The following ZNF8 variants were observed in gnomAD, a reference collection of about 807,000 sequenced individuals.
ZNF8 encodes the protein zinc finger protein 8.
A neutral mutation model predicts 12.2 loss-of-function variants in ZNF8; 9 were observed. That is an observed-to-expected ratio of 0.73 (90% CI 0.44 to 1.28). The LOEUF is 1.28. Among genes scored for constraint, ZNF8 ranks in the 50% most tolerant of loss-of-function variants. The pLI, the probability that ZNF8 is intolerant of heterozygous loss-of-function variation, is 0.00. For missense variants in ZNF8, 664 were observed against 729.1 expected, an observed-to-expected ratio of 0.91 and a Z score of 1.03; for synonymous variants, 274 against 282.3, an observed-to-expected ratio of 0.97 and a Z score of 0.30.
chr19:58,286,686 G>A (rs2051385372), intron 3 of ZNF8: 3 of 153,094 alleles, frequency 2.0e-5, no homozygotes, highest in South Asian at 4.1e-4. Flanking sequence ...CATCAGTTAG[G>A]GTTGTGGGAA....
In ZNF8 at chr19:58,295,430, T is replaced by C; in HGVS notation, c.1622T>C (p.Phe541Ser). 1 of 1,613,970 alleles carries C rather than the reference T, an allele frequency of 6.2e-7. No homozygotes were observed. The highest frequency in any genetic ancestry group is 1.6e-4 in the Middle Eastern group (1 of 6,062). Reference protein sequence around the residue: ...GQPESRALALFDIQKIMQEKN... With the variant: ...GQPESRALALSDIQKIMQEKN... ...CCGGAAAGCAGAGCCCTGGCTTTGT[T>C]TGACATCCAAAAAATCATGCAAGAG... is the stretch of plus-strand genomic sequence containing the variant. Residue 541 changes from phenylalanine to serine, a missense_variant, in exon 4 of 4, where the codon TTT (phenylalanine) becomes TCT (serine). Transcript: ENST00000621650.
rs190131418 is a variant in ZNF8, at chr19:58,279,854, C to T, written c.66+707C>T. The T allele has an allele frequency of 4.6e-6, 6 of 1,304,428 alleles. No homozygotes were observed. The East Asian group carries it at 2.8e-4, about 60-fold the overall frequency. The allele number at this position is 1,304,428 out of a possible 1,614,324, so 80.8% of individuals were successfully genotyped here. The stretch of plus-strand genomic sequence containing the variant: ...GGAAACAACAATAATTATCCTTCCT[C>T]AAGCTCTGCAACTTTGAAATTATAC... On this transcript the variant is annotated intron_variant, in intron 1 of 3. Coordinates refer to ENST00000621650, the MANE Select transcript of ZNF8 (RefSeq NM_021089.3).
Position 58,294,050 on chromosome 19 carries a change from T to TC in ZNF8, c.290-46dup. 1 of 1,532,046 alleles carries TC rather than the reference T, an allele frequency of 6.5e-7. No homozygotes were observed. The highest frequency in any genetic ancestry group is 8.8e-7 in the Non-Finnish European group (1 of 1,133,050). 94.9% of individuals were successfully genotyped at this position (1,532,046 alleles called of 1,614,324 possible). ...TATGGTGTTGGAGGCCTGTCCCCCT[T>TC]CCGTTTTTTTCTCCCAACAGCTCAG... On this transcript the variant is annotated intron_variant, in intron 3 of 3. Coordinates refer to ENST00000621650, the MANE Select transcript of ZNF8 (RefSeq NM_021089.3). This position sits in a 1 kb window ranked among gnomAD's most constrained non-coding sequence, Gnocchi z 5.5.
At position 58,285,767 on chromosome 19, in the gene ZNF8, G is replaced by A; in HGVS notation, c.117G>A (p.Trp39Ter). The change falls in exon 2 of 4, where the codon TGG becomes TGA. Residue 39 changes from tryptophan to a stop codon, truncating the protein, a stop_gained. Coordinates refer to ENST00000621650, the MANE Select transcript of ZNF8 (RefSeq NM_021089.3). LOFTEE classifies it high-confidence loss of function. ...CTGTGGACTTTACCCAGGAGGAATG[G>A]GGGCAGCTGGACCCTACCCAGAGGA... ...DVAVDFTQEE[W>*]GQLDPTQRIL... 1 of 1,614,176 alleles carries A rather than the reference G, an allele frequency of 6.2e-7. No individual in the cohort carries two copies. The highest frequency in any genetic ancestry group is 2.2e-5 in the East Asian group (1 of 44,878).
chr19:58,279,880 T>A, intron 1 of ZNF8: 1 of 1,046,158 alleles, frequency 9.6e-7, no homozygotes, highest in Non-Finnish European at 1.2e-6. Context: ...GAAATTATAC[T>A]TTTTTTTATT....
Position 58,294,474 on chromosome 19 carries a change from C to T in ZNF8, c.666C>T (p.Gly222=). The T allele has an allele frequency of 6.2e-7, 1 of 1,614,146 alleles. No individual in the cohort carries two copies. Among genetic ancestry groups the T allele is most frequent in the South Asian group, 1.1e-5 (1 of 91,080 alleles). The change falls in exon 4 of 4, where the codon GGC becomes GGT. Residue 222 remains glycine, a synonymous_variant. Coordinates refer to ENST00000621650, the MANE Select transcript of ZNF8 (RefSeq NM_021089.3). This position sits in a 1 kb window ranked among gnomAD's most constrained non-coding sequence, Gnocchi z 5.5. ...CCAGCTTAGTCAGTCAGCAGACAGG[C>T]TCCCCAGGAAAACAGCCCGGTGAAA... ...HNSSLVSQQT[G]SPGKQPGENS...
At chr19:58,285,057 C>T (rs2051374521) in intron 1 of ZNF8, among the ~76,000 whole-genome samples, 2 of 152,088 alleles carry the variant, frequency 1.3e-5, no homozygotes, top group African/African-American at 4.8e-5. Context: ...AACTGGCCCA[C>T]TTCTGTCATG....
Position 58,301,662 on chromosome 19 carries a change from G to C in ZNF8, c.*6126G>C, listed in dbSNP as rs73570607. ...GGCCAGTCCTGAAGGGGTCACAGTT[G>C]ATACTTCTCTGAGGGGGCATGGGGT... On this transcript the variant is annotated 3_prime_UTR_variant, in exon 4 of 4. Transcript: ENST00000621650. The C allele has an allele frequency of 0.063, 9,601 of 152,484 alleles. 964 individuals are homozygous for C. Among genetic ancestry groups the C allele is most frequent in the African/African-American group, 0.21 (8,897 of 41,510 alleles). 9.4% of individuals were successfully genotyped at this position (152,484 alleles called of 1,614,324 possible).
chr19:58,286,389 C>T (rs1284603912), intron 3 of ZNF8, 184 bp downstream of exon 3: 24 of 527,968 alleles, frequency 4.5e-5, no homozygotes, highest in Non-Finnish European at 7.1e-5. Flanking sequence ...AGGGGAAAGG[C>T]GCGTGGGGAT....
At chr19:58,279,353 GA>G (rs2051328293) in intron 1 of ZNF8, 1 of 1,464,200 alleles carries the variant, frequency 6.8e-7, no homozygotes, top group Non-Finnish European at 9.0e-7. Context: ...CCTGGCCCCC[GA>G]ATGCGCATGC....
rs750570090 is a variant in ZNF8 at position 58,295,313 on chromosome 19, G to A, written c.1505G>A (p.Arg502His). The change falls in exon 4 of 4, where the codon CGT becomes CAT. Residue 502 changes from arginine (R) to histidine (H), a missense_variant. Around this residue, in one of 3 missense-constraint regions of ZNF8, gnomAD observed 225 missense variants for 222.0 expected, o/e 1.01. Coordinates refer to ENST00000621650, the MANE Select transcript of ZNF8 (RefSeq NM_021089.3). The stretch of plus-strand genomic sequence containing the variant: ...CAGCCCCATGGGCGAAGCCGGCGGC[G>A]TGAACAATCCTCGAGCAGGAACTCA... ...EEQPHGRSRR[R>H]EQSSSRNSHL... is the part of the protein sequence containing the mutation. The A allele has an allele frequency of 2.6e-5, 42 of 1,614,090 alleles. No individual in the cohort carries two copies. Among genetic ancestry groups the A allele is most frequent in the South Asian group, 1.2e-4 (11 of 91,088 alleles).
chr19:58,281,649 C>G (rs1342541531), intron 1 of ZNF8, among the ~76,000 whole-genome samples: 1 of 152,122 alleles, frequency 6.6e-6, no homozygotes, highest in East Asian at 1.9e-4. Context: ...GGTGGGCATT[C>G]TGAGTGGAGG....
At position 58,296,243 on chromosome 19, in the gene ZNF8, A is replaced by G. The variant is rs951417842; in HGVS notation, c.*707A>G. 4 of 152,170 alleles carry G rather than the reference A, an allele frequency of 2.6e-5. No homozygotes were observed. Among genetic ancestry groups the G allele is most frequent in the African/African-American group, 7.2e-5 (3 of 41,420 alleles). The allele number at this position is 152,170 out of a possible 1,614,324, so 9.4% of individuals were successfully genotyped here. A position where few individuals can be genotyped will look rare whatever the true frequency, so the allele number is the denominator to read the frequency against. Reference sequence around the variant, plus strand: ...ACTGGGGGCAGTTCTGTTCCTCACCATCTTGGCAGCATGCATGGCTCCTGC... The same window carrying G: ...ACTGGGGGCAGTTCTGTTCCTCACCGTCTTGGCAGCATGCATGGCTCCTGC... On this transcript the variant is annotated 3_prime_UTR_variant, in exon 4 of 4. Coordinates refer to ENST00000621650, the MANE Select transcript of ZNF8 (RefSeq NM_021089.3).
chr19:58,287,337 C>CTTTT (rs35511685), intron 3 of ZNF8, among the ~76,000 whole-genome samples: 2,390 of 117,714 alleles, frequency 0.02, 133 homozygotes, highest in African/African-American at 0.024. Flanking sequence ...CCATGCCCAG[C>CTTTT]TTTTTTTTTT....
chr19:58,281,528 G>C lies in ZNF8; in HGVS notation c.66+2381G>C, dbSNP rs576192061. Among the ~76,000 whole-genome samples the C allele has an allele frequency of 2.0e-5, 3 of 152,284 alleles. No individual in the cohort carries two copies. The East Asian group carries it at 5.8e-4, about 29-fold the overall frequency. On this transcript the variant is annotated intron_variant, in intron 1 of 3. Coordinates refer to ENST00000621650, the MANE Select transcript of ZNF8 (RefSeq NM_021089.3). The stretch of plus-strand genomic sequence containing the variant: ...TGCCACTGAGAATTCTCATGGCTTG[G>C]ACAGACCAGTACTCAGTGGACGTGG...
At position 58,294,415 on chromosome 19, in the gene ZNF8, T is replaced by TA. The variant is rs763923404; in HGVS notation, c.608dup (p.Tyr203Ter). The change falls in exon 4 of 4, where the codon TAC becomes TAAC. Residue 203 changes from tyrosine to a stop codon, truncating the protein, a stop_gained and frameshift_variant. Transcript: ENST00000621650. LOFTEE classifies it low-confidence loss of function (END_TRUNC). The surrounding 1 kb of genome is among the most constrained non-coding windows in gnomAD (Gnocchi z 5.5). Reference protein sequence around the residue: ...EISRGEYLYTYDSQITDSEHN... With the variant: ...EISRGEYLYT The stretch of plus-strand genomic sequence containing the variant: ...CTCTAGAGGGGAGTATTTGTATACT[T>TA]ACGACTCACAGATTACAGACTCAGA... 1.2e-6 allele frequency: 2 copies of TA among 1,614,100 alleles called. No individual in the cohort carries two copies. Among genetic ancestry groups the TA allele is most frequent in the South Asian group, 1.1e-5 (1 of 91,078 alleles).
rs564170481 is a variant in ZNF8 at position 58,289,834 on chromosome 19, G to T, written c.289+3629G>T. Reference sequence around the variant, plus strand: ...TTTTTTTGAGACAGAGTCTCGCTCTGTCACAAGGCTGGAGTGCAGTGGTGT... The same window carrying T: ...TTTTTTTGAGACAGAGTCTCGCTCTTTCACAAGGCTGGAGTGCAGTGGTGT... On this transcript the variant is annotated intron_variant, in intron 3 of 3. Coordinates refer to ENST00000621650, the MANE Select transcript of ZNF8 (RefSeq NM_021089.3). Among the ~76,000 whole-genome samples the T allele has an allele frequency of 1.5e-3, 223 of 149,274 alleles. No individual in the cohort carries two copies. In the Middle Eastern group the frequency reaches 0.021, roughly 14 times the overall value.
At chr19:58,279,812 A>G in intron 1 of ZNF8, 1 of 1,430,918 alleles carries the variant, frequency 7.0e-7, no homozygotes, top group Non-Finnish European at 9.3e-7. Flanking sequence ...TTCTCCATAA[A>G]GCTGCCTCGC....
rs750333060 is a variant in ZNF8 at position 58,300,275 on chromosome 19, C to G, written c.*4739C>G. On this transcript the variant is annotated 3_prime_UTR_variant, in exon 4 of 4. Coordinates refer to ENST00000621650, the MANE Select transcript of ZNF8 (RefSeq NM_021089.3). Reference sequence around the variant, plus strand: ...AGATGAGGCTTTGTTCAAAGGCTGTCTTTTCAGTGGCTCAGCTGTGTCACA... The same window carrying G: ...AGATGAGGCTTTGTTCAAAGGCTGTGTTTTCAGTGGCTCAGCTGTGTCACA... 2.0e-5 allele frequency: 3 copies of G among 152,244 alleles called. No homozygotes were observed. Among genetic ancestry groups the G allele is most frequent in the Non-Finnish European group, 4.4e-5 (3 of 68,058 alleles). The allele number at this position is 152,244 out of a possible 1,614,324, so 9.4% of individuals were successfully genotyped here.
Sources: gnomAD v4.1 joint callset for allele counts (sites outside exome capture counted in the v4.1 genomes callset) on GRCh38, gnomAD v4.1.1 for gene constraint, gnomAD v4.1.1 regional missense constraint, Gnocchi (gnomAD v3.1) non-coding constraint, MANE v1.5 for transcripts, NCBI Gene and HGNC (gene_info 2026-07-23, HGNC 2026-07-21) for gene names.